PVALEF: variants seen among roughly 807,000 people sequenced by gnomAD.
PVALEF encodes the protein parvalbumin like EF-hand containing, also known as parvalbumin-like EF-hand-containing protein.
A neutral mutation model predicts 1.2 loss-of-function variants in PVALEF; 2 were observed. The observed-to-expected ratio is 1.68, with a 90% CI of 0.69 to 5.28. The LOEUF is 5.28. Among genes scored for constraint, PVALEF ranks in the 30% most tolerant of loss-of-function variants. The pLI is 0.06. For synonymous variants in PVALEF, 16 were observed against 6.5 expected (o/e 2.47, Z -2.24); for missense variants, 35 against 17.7 (o/e 1.97, Z -1.75).
At chr17:81,172,043 G>A (rs187315589) in intron 2 of PVALEF, among the ~76,000 whole-genome samples, 2 of 152,196 alleles carry the variant, frequency 1.3e-5, no homozygotes, top group Non-Finnish European at 2.9e-5. Flanking sequence ...GGAATCACAT[G>A]GTATGTGGGG....
At chr17:81,169,958 C>T (rs796673541) in intron 2 of PVALEF, among the ~76,000 whole-genome samples, 2 of 144,564 alleles carry the variant, frequency 1.4e-5, no homozygotes, top group Admixed American at 6.9e-5. Flanking sequence ...GCACGTGTGT[C>T]GGTGTTGGTA....
At position 81,177,413 on chromosome 17, in the gene PVALEF, C is replaced by T. The variant is rs566753082; in HGVS notation, c.-339-1505C>T. The stretch of plus-strand genomic sequence containing the variant: ...AAATGCAGAAATTAGCCGGGCGTGG[C>T]GGCATGCACCTGTAATTCCAGCTAC... On this transcript the variant is annotated intron_variant, in intron 2 of 6. Coordinates refer to ENST00000637878, the MANE Select transcript of PVALEF (RefSeq NM_001354639.2). Among the ~76,000 whole-genome samples the T allele has an allele frequency of 1.2e-3, 186 of 151,742 alleles. 2 individuals are homozygous for T. The South Asian group carries it at 0.028, about 23-fold the overall frequency.
intron 6 of PVALEF, 91 bp downstream of exon 6, chr17:81,182,172 C>T (rs1361202367): frequency 1.5e-5 from 6 of 397,652 alleles, no homozygotes; most frequent in Admixed American, 8.8e-5. Context: ...AGGGCACTGG[C>T]ACACAACTCA....
chr17:81,169,103 A>G (rs1018444407), intron 2 of PVALEF, among the ~76,000 whole-genome samples: 1 of 152,240 alleles, frequency 6.6e-6, no homozygotes, highest in Non-Finnish European at 1.5e-5. Context: ...GGGACAGAGC[A>G]CAGGTGGAGG....
At chr17:81,177,334 G>C (rs558207129) in intron 2 of PVALEF, among the ~76,000 whole-genome samples, 65 of 151,048 alleles carry the variant, frequency 4.3e-4, no homozygotes, top group African/African-American at 1.5e-3. Flanking sequence ...GATCACCTGA[G>C]GTCAGGAGTT....
chr17:81,181,917 G>A (rs1305682022), intron 5 of PVALEF, 49 bp from the exon 6 acceptor site: 6 of 398,484 alleles, frequency 1.5e-5, no homozygotes, highest in Non-Finnish European at 2.7e-5. Context: ...GAGTCACTGG[G>A]CACTGGCCGG....
At chr17:81,171,378 T>C (rs1344523686) in intron 2 of PVALEF, among the ~76,000 whole-genome samples, 3 of 152,220 alleles carry the variant, frequency 2.0e-5, no homozygotes, top group Non-Finnish European at 4.4e-5. Context: ...CCCCAGGCCT[T>C]GTGGCCCAGG....
chr17:81,169,335 C>T (rs1385190844), intron 2 of PVALEF, among the ~76,000 whole-genome samples: 1 of 151,264 alleles, frequency 6.6e-6, no homozygotes, highest in African/African-American at 2.4e-5. Flanking sequence ...CGCAGTGGCT[C>T]ACGCCTGTAA....
chr17:81,165,645 AC>A lies in PVALEF; in HGVS notation c.-608del. 6.8e-7 allele frequency: 1 copy of A among 1,480,082 alleles called. No homozygotes were observed. Among genetic ancestry groups the A allele is most frequent in the Non-Finnish European group, 9.0e-7 (1 of 1,111,444 alleles). 91.7% of individuals were successfully genotyped at this position (1,480,082 alleles called of 1,614,324 possible). ...TAGTCTGAGACCAACTCTCCTGGACACCAGGGGCCCACGCAGGCCCTCCGTG... is the reference window on the plus strand; with the variant it reads ...TAGTCTGAGACCAACTCTCCTGGACACAGGGGCCCACGCAGGCCCTCCGTG... On this transcript the variant is annotated 5_prime_UTR_variant, in exon 1 of 7. An upstream open reading frame in the 5' UTR gains an earlier in-frame stop. Transcript: ENST00000637878.
chr17:81,168,413 G>A (rs754593403), intron 2 of PVALEF, among the ~76,000 whole-genome samples: 3 of 152,272 alleles, frequency 2.0e-5, no homozygotes, highest in Admixed American at 6.5e-5. Context: ...CCCACCCTAC[G>A]TAACCAGAGC....
chr17:81,182,354 C>T (rs1169275837), intron 6 of PVALEF, among the ~76,000 whole-genome samples: 1 of 152,216 alleles, frequency 6.6e-6, no homozygotes, highest in Non-Finnish European at 1.5e-5. Context: ...GGGGGACCCA[C>T]GGTCTTTGAG....
chr17:81,166,855 C>A lies in PVALEF; in HGVS notation c.-340+11C>A. 1 of 403,602 alleles carries A rather than the reference C, an allele frequency of 2.5e-6. No individual in the cohort carries two copies. Among genetic ancestry groups the A allele is most frequent in the Non-Finnish European group, 5.1e-6 (1 of 196,582 alleles). 25.0% of individuals were successfully genotyped at this position (403,602 alleles called of 1,614,324 possible). A position where few individuals can be genotyped will look rare whatever the true frequency, so the allele number is the denominator to read the frequency against. ...CGTGGACTGTACCAGGTGCTTAGGGCAGCAGGTTGGCCTGGGCGCTGAGGG... is the reference window on the plus strand; with the variant it reads ...CGTGGACTGTACCAGGTGCTTAGGGAAGCAGGTTGGCCTGGGCGCTGAGGG... On this transcript the variant is annotated intron_variant, in intron 2 of 6. Transcript: ENST00000637878.
rs909972258 is a variant in PVALEF, at chr17:81,170,711, C to T, written c.-340+3867C>T. On this transcript the variant is annotated intron_variant, in intron 2 of 6. Transcript: ENST00000637878. The stretch of plus-strand genomic sequence containing the variant: ...AAGTGTAGCTGCCGGGACTCAGCAC[C>T]CAAATCTGCCTGCTGGGCACCACAG... Among the ~76,000 whole-genome samples the T allele has an allele frequency of 1.3e-5, 2 of 152,182 alleles. 1 individual carries two copies. Among genetic ancestry groups the T allele is most frequent in the Non-Finnish European group, 2.9e-5 (2 of 68,018 alleles).
At chr17:81,180,798 C>G (rs2061551013) in intron 3 of PVALEF, among the ~76,000 whole-genome samples, 1 of 152,172 alleles carries the variant, frequency 6.6e-6, no homozygotes, top group South Asian at 2.1e-4. Flanking sequence ...ACAGGCCGCC[C>G]CTCCTGGCAG....
chr17:81,171,147 G>GT (rs1282981785), intron 2 of PVALEF, among the ~76,000 whole-genome samples: 1 of 152,254 alleles, frequency 6.6e-6, no homozygotes, highest in African/African-American at 2.4e-5. Context: ...CTATGAAGTG[G>GT]TCCTTGTGGC....
At chr17:81,165,804 G>A (rs2061481914) in intron 1 of PVALEF, 57 bp downstream of exon 1, 7 of 1,500,344 alleles carry the variant, frequency 4.7e-6, no homozygotes, top group Non-Finnish European at 6.3e-6. Flanking sequence ...CAGGGGGTCC[G>A]GCTGCTTCTG....
rs372437427 is a variant in PVALEF at position 81,170,193 on chromosome 17, CTT to C, written c.-340+3351_-340+3352del. Among the ~76,000 whole-genome samples the C allele has an allele frequency of 1.7e-3, 252 of 147,444 alleles. 1 individual carries two copies. The highest frequency in any genetic ancestry group is 3.4e-3 in the East Asian group (17 of 5,000). Reference sequence around the variant, plus strand: ...CATGTGTAGGTGTGTGTGCATGTGTCTTTGCATATGTGTAGGTGTGTTGGTAT... The same window carrying C: ...CATGTGTAGGTGTGTGTGCATGTGTCTGCATATGTGTAGGTGTGTTGGTAT... On this transcript the variant is annotated intron_variant, in intron 2 of 6. Coordinates refer to ENST00000637878, the MANE Select transcript of PVALEF (RefSeq NM_001354639.2).
intron 2 of PVALEF, among the ~76,000 whole-genome samples, chr17:81,178,195 T>C (rs921376496): frequency 1.2e-4 from 18 of 152,158 alleles, no homozygotes; most frequent in African/African-American, 4.1e-4. Context: ...TCACCTTCAT[T>C]AGTGAGGACA....
At chr17:81,180,153 C>T (rs972212750) in intron 3 of PVALEF, among the ~76,000 whole-genome samples, 10 of 152,200 alleles carry the variant, frequency 6.6e-5, no homozygotes, top group Non-Finnish European at 1.3e-4. Flanking sequence ...TTGGGGGCAC[C>T]CCTGAGAGCA....
Sources: gnomAD v4.1 joint callset for allele counts (sites outside exome capture counted in the v4.1 genomes callset) on GRCh38, gnomAD v4.1.1 for gene constraint, MANE v1.5 for transcripts, NCBI Gene and HGNC (gene_info 2026-07-23, HGNC 2026-07-21) for gene names.